The following CFAP20DC variants were observed in gnomAD, a reference collection of about 807,000 sequenced individuals.
The protein encoded by CFAP20DC is protein CFAP20DC.
A neutral mutation model predicts 101.7 loss-of-function variants in CFAP20DC; 84 were observed. The observed-to-expected ratio is 0.83, with a 90% CI of 0.69 to 0.99. The LOEUF (loss-of-function observed/expected upper bound fraction) is 0.99. CFAP20DC is among the 50% of genes least tolerant of loss of function. The pLI is 0.00. For missense variants in CFAP20DC, 1,007 were observed against 970.3 expected (o/e 1.04, Z -0.50); for synonymous variants, 359 against 351.2 (o/e 1.02, Z -0.25).
chr3:59,020,369 C>T (rs747074972), intron 4 of CFAP20DC, among the ~76,000 whole-genome samples: 3 of 151,814 alleles, frequency 2.0e-5, no homozygotes, highest in South Asian at 2.1e-4. Context: ...AAAATAAACC[C>T]GTATTACCAA....
rs1348267936 is a variant in CFAP20DC, at chr3:58,900,532, G to C, written c.550+13176C>G. Among the ~76,000 whole-genome samples, 4 of 152,192 alleles carry C rather than the reference G, an allele frequency of 2.6e-5. No homozygotes were observed. The East Asian group carries it at 7.7e-4, about 29-fold the overall frequency. On this transcript the variant is annotated intron_variant, in intron 6 of 16. Transcript: ENST00000482387. The stretch of plus-strand genomic sequence containing the variant: ...TCAGACATGTTCTATCTTCTGGAAG[G>C]GACTGTGTATGGAAACATACAGACT...
intron 3 of CFAP20DC, among the ~76,000 whole-genome samples, chr3:58,733,038 A>G (rs2067676042): frequency 6.6e-6 from 1 of 152,322 alleles, no homozygotes; most frequent in Non-Finnish European, 1.5e-5. Flanking sequence ...ATTGTATAAA[A>G]TCTTGATTAT....
At chr3:59,019,927 T>A (rs556591133) in intron 4 of CFAP20DC, among the ~76,000 whole-genome samples, 1 of 152,180 alleles carries the variant, frequency 6.6e-6, no homozygotes, top group East Asian at 1.9e-4. Flanking sequence ...TAGAGTTTTT[T>A]AAAAGGTAAC....
At position 58,758,808 on chromosome 3, in the gene CFAP20DC, ATAGT is replaced by A. The variant is rs770014067; in HGVS notation, c.2238-4949_2238-4946del. On this transcript the variant is annotated intron_variant, in intron 15 of 16. Transcript: ENST00000482387. ...CGGTGTTTGGTTTTTTGACCTTGCG[ATAGT>A]TTGCTGAGAATGATGGTTTCCAGCT... is the stretch of plus-strand genomic sequence containing the variant. Among the ~76,000 whole-genome samples, 4 of 151,968 alleles carry A rather than the reference ATAGT, an allele frequency of 2.6e-5. No individual in the cohort carries two copies. The South Asian group carries it at 6.2e-4, about 24-fold the overall frequency.
rs56234919 is a variant in CFAP20DC, at chr3:58,963,190, TTGTGTGTG to T, written c.279-25436_279-25429del. ...ATACTTCTTCTCAAGGTTCAGTAGTTTGTGTGTGTGTGTGTGTGTGTGTGTGTGTGTGT... is the reference window on the plus strand; with the variant it reads ...ATACTTCTTCTCAAGGTTCAGTAGTTTGTGTGTGTGTGTGTGTGTGTGTGT... On this transcript the variant is annotated intron_variant, in intron 4 of 16. Transcript: ENST00000482387. 7.1e-3 allele frequency among the ~76,000 whole-genome samples: 837 copies of T among 118,284 alleles called. 12 individuals carry two copies. Among genetic ancestry groups the T allele is most frequent in the East Asian group, 0.032 (115 of 3,560 alleles). The allele number at this position is 118,284 out of a possible 152,430, so 77.6% of individuals were successfully genotyped here. A position where few individuals can be genotyped will look rare whatever the true frequency, so the allele number is the denominator to read the frequency against.
In CFAP20DC at chr3:58,831,705, C is replaced by G. The variant is rs1335078932; in HGVS notation, c.2156G>C (p.Trp719Ser). ...ISTSSDDTTT[W>S]NSCLPPPVNQ... The stretch of plus-strand genomic sequence containing the variant: ...ACTCACGGGTGGCAGGCAGGAGTTC[C>G]AGGTGGTTGTGTCGTCACTGCTGGT... Residue 719 changes from tryptophan to serine, a missense_variant, in exon 14 of 17, where the codon TGG becomes TCG. Physicochemically the swap from Trp to Ser is radical, Grantham distance 177 (BLOSUM62 -3). Transcript: ENST00000482387. 2 of 1,613,918 alleles carry G rather than the reference C, an allele frequency of 1.2e-6. No homozygotes were observed. The highest frequency in any genetic ancestry group is 1.7e-5 in the Admixed American group (1 of 59,962).
chr3:58,916,465 A>C (rs566494713), intron 5 of CFAP20DC, among the ~76,000 whole-genome samples: 1 of 152,272 alleles, frequency 6.6e-6, no homozygotes, highest in African/African-American at 2.4e-5. Context: ...ACCTGGACTC[A>C]TGCTTCATGG....
At chr3:58,832,027 C>G (rs2076431100) in intron 13 of CFAP20DC, 138 bp from the exon 14 acceptor site, 2 of 674,946 alleles carry the variant, frequency 3.0e-6, no homozygotes, top group Non-Finnish European at 5.2e-6. Flanking sequence ...CCATGCGCTA[C>G]CTGCCCCATC....
intron 5 of CFAP20DC, among the ~76,000 whole-genome samples, chr3:58,915,976 T>TCTCTCATTTG (rs1559816809): frequency 6.6e-6 from 1 of 152,080 alleles, no homozygotes; most frequent in African/African-American, 2.4e-5. Flanking sequence ...AATTATTTGT[T>TCTCTCATTTG]CTCTCATTTG....
At chr3:58,770,448 A>C (rs2070736617) in intron 15 of CFAP20DC, among the ~76,000 whole-genome samples, 1 of 152,210 alleles carries the variant, frequency 6.6e-6, no homozygotes, top group Non-Finnish European at 1.5e-5. Flanking sequence ...GAGTGAAGTA[A>C]GTGTTAGATA....
At chr3:58,744,562 G>C (rs2068065355) in intron 16 of CFAP20DC, among the ~76,000 whole-genome samples, 1 of 152,140 alleles carries the variant, frequency 6.6e-6, no homozygotes, top group Admixed American at 6.5e-5. Context: ...GAGAGTCCCT[G>C]GGGGAGGGCA....
intron 4 of CFAP20DC, among the ~76,000 whole-genome samples, chr3:58,968,735 G>C (rs2091759452): frequency 6.6e-6 from 1 of 152,058 alleles, no homozygotes; most frequent in Non-Finnish European, 1.5e-5. Context: ...GTCAATTTTT[G>C]CTTCTGTTGC....
At chr3:58,940,740 T>A (rs1478404716) in intron 4 of CFAP20DC, among the ~76,000 whole-genome samples, 1 of 152,234 alleles carries the variant, frequency 6.6e-6, no homozygotes, top group East Asian at 1.9e-4. Flanking sequence ...ACTTTAGTTT[T>A]GTTCAAGATT....
intron 4 of CFAP20DC, among the ~76,000 whole-genome samples, chr3:58,955,377 G>A (rs370476715): frequency 1.1e-3 from 165 of 152,250 alleles, no homozygotes; most frequent in Middle Eastern, 6.8e-3. Flanking sequence ...GTGGCAGCAC[G>A]GTGCAGACAG....
intron 6 of CFAP20DC, among the ~76,000 whole-genome samples, chr3:58,885,230 C>T (rs2081527745): frequency 6.6e-6 from 1 of 152,016 alleles, no homozygotes; most frequent in Admixed American, 6.6e-5. Flanking sequence ...TACCCAGCTT[C>T]CTCTGTTAAC....
chr3:58,901,431 T>C (rs1176915100), intron 6 of CFAP20DC, among the ~76,000 whole-genome samples: 3 of 152,208 alleles, frequency 2.0e-5, no homozygotes, highest in African/African-American at 7.2e-5. Flanking sequence ...CCTTGTTGTA[T>C]GTACCCTGCT....
intron 5 of CFAP20DC, among the ~76,000 whole-genome samples, chr3:58,933,549 G>C (rs528072891): frequency 1.3e-5 from 2 of 152,242 alleles, no homozygotes; most frequent in East Asian, 1.9e-4. Context: ...AAATGTAAAA[G>C]AATAGAAATT....
At chr3:58,873,694 G>A (rs2080477149) in intron 7 of CFAP20DC, among the ~76,000 whole-genome samples, 2 of 151,928 alleles carry the variant, frequency 1.3e-5, no homozygotes, top group African/African-American at 4.8e-5. Flanking sequence ...TGTCAGGCAG[G>A]TGCTCAAGTA....
At chr3:58,801,585 A>T (rs987635594) in intron 15 of CFAP20DC, among the ~76,000 whole-genome samples, 3 of 152,070 alleles carry the variant, frequency 2.0e-5, no homozygotes, top group Non-Finnish European at 4.4e-5. Flanking sequence ...TAATCAATAG[A>T]AGAGATGCCC....
Sources: gnomAD v4.1 joint callset for allele counts (sites outside exome capture counted in the v4.1 genomes callset) on GRCh38, gnomAD v4.1.1 for gene constraint, MANE v1.5 for transcripts, NCBI Gene and HGNC (gene_info 2026-07-23, HGNC 2026-07-21) for gene names.